Variants in NXN observed in about 807,000 individuals in gnomAD.
The protein encoded by NXN is nucleoredoxin 1.
NXN carries 16 observed loss-of-function variants against 48.6 expected under a neutral mutation model. That is an observed-to-expected ratio of 0.33 (90% confidence interval 0.22 to 0.50). The LOEUF is 0.50. Among genes scored for constraint, NXN ranks in the 20% least tolerant of loss-of-function variants. The pLI, the probability that NXN is intolerant of heterozygous loss-of-function variation, is 0.98. For missense variants in NXN, 492 were observed against 605.5 expected (o/e 0.81, Z 1.97); for synonymous variants, 281 against 269.6 (o/e 1.04, Z -0.41).
At chr17:922,904 G>C (rs569663658) in intron 1 of NXN, among the ~76,000 whole-genome samples, 1 of 151,814 alleles carries the variant, frequency 6.6e-6, no homozygotes, top group Admixed American at 6.6e-5. Flanking sequence ...ACCTGCCTTC[G>C]GCCTCCCAAA....
intron 1 of NXN, among the ~76,000 whole-genome samples, chr17:865,998 AAAGT>A (rs2144793473): frequency 6.6e-6 from 1 of 152,132 alleles, no homozygotes; most frequent in African/African-American, 2.4e-5. Context: ...AAAAGAAAAA[AAAGT>A]GTGTGCGACA....
intron 1 of NXN, among the ~76,000 whole-genome samples, chr17:839,665 G>A (rs1914025198): frequency 6.6e-6 from 1 of 151,180 alleles, no homozygotes; most frequent in Non-Finnish European, 1.5e-5. Flanking sequence ...AGCCTGGCAT[G>A]GTGGCACACA....
rs960751534 is a variant in NXN, at chr17:799,687, TACAAGGCGAC to T, written c.*1252_*1261del. ...GAGGCCAACAACCTACCTGGGCCGA[TACAAGGCGAC>T]ACAAGGCCCACCCGTGGCTGACGCG... On this transcript the variant is annotated 3_prime_UTR_variant, in exon 8 of 8. Transcript: ENST00000336868. 2 of 152,282 alleles carry T rather than the reference TACAAGGCGAC, an allele frequency of 1.3e-5. No individual in the cohort carries two copies. The highest frequency in any genetic ancestry group is 4.8e-5 in the African/African-American group (2 of 41,454). 9.4% of individuals were successfully genotyped at this position (152,282 alleles called of 1,614,324 possible). A position where few individuals can be genotyped will look rare whatever the true frequency, so the allele number is the denominator to read the frequency against.
intron 1 of NXN, among the ~76,000 whole-genome samples, chr17:954,291 G>A (rs2069143365): frequency 6.6e-6 from 1 of 152,188 alleles, no homozygotes; most frequent in Non-Finnish European, 1.5e-5. Flanking sequence ...TGAAGCAGGA[G>A]AATCCCTTGA....
At position 843,049 on chromosome 17, in the gene NXN, A is replaced by C. The variant is rs542620167; in HGVS notation, c.361-16971T>G. Among the ~76,000 whole-genome samples the C allele has an allele frequency of 4.9e-3, 643 of 129,960 alleles. 9 individuals carry two copies. Among genetic ancestry groups the C allele is most frequent in the African/African-American group, 0.02 (603 of 29,808 alleles). 85.3% of individuals were successfully genotyped at this position (129,960 alleles called of 152,430 possible). On this transcript the variant is annotated intron_variant, in intron 1 of 7. Transcript: ENST00000336868. ...GAAAGAAAGAAAGAAAGAAAGAAAG[A>C]AAGAAAGAAGGAAGAAAGCAAGCAA...
At chr17:822,295 GA>G (rs973942697) in intron 4 of NXN, 61 bp downstream of exon 4, 98 of 1,240,044 alleles carry the variant, frequency 7.9e-5, no homozygotes, top group Non-Finnish European at 9.9e-5. Context: ...AAAAAGAAAA[GA>G]AAAAAAATGG....
intron 1 of NXN, among the ~76,000 whole-genome samples, chr17:869,764 T>C (rs992299130): frequency 9.9e-5 from 15 of 152,234 alleles, no homozygotes; most frequent in African/African-American, 3.6e-4. Flanking sequence ...TTTCACTTCC[T>C]CTGCTCGTTC....
intron 1 of NXN, chr17:911,080 T>C (rs7209796): frequency 0.47 from 71,411 of 151,818 alleles, 17,011 homozygotes; most frequent in South Asian, 0.56. Flanking sequence ...CCACAGTGCA[T>C]ATGTATCCAA....
chr17:848,802 T>TGC (rs2067893008), intron 1 of NXN, among the ~76,000 whole-genome samples: 1 of 152,206 alleles, frequency 6.6e-6, no homozygotes, highest in Admixed American at 6.5e-5. Flanking sequence ...GGATGTCAGA[T>TGC]GCATCAGACA....
chr17:913,108 C>T (rs966894491), intron 1 of NXN, among the ~76,000 whole-genome samples: 2 of 152,200 alleles, frequency 1.3e-5, no homozygotes, highest in East Asian at 3.8e-4. Context: ...TTTTATATTA[C>T]AGTCATCTCT....
intron 1 of NXN, among the ~76,000 whole-genome samples, chr17:936,043 G>C (rs1482973763): frequency 6.9e-6 from 1 of 145,002 alleles, no homozygotes. Context: ...GGCGAGCCAA[G>C]ATCGTGCCAC....
chr17:972,410 G>A (rs1463105967), intron 1 of NXN, among the ~76,000 whole-genome samples: 7 of 152,116 alleles, frequency 4.6e-5, no homozygotes, highest in African/African-American at 1.2e-4. Flanking sequence ...CCAGGAGGCG[G>A]AGGTTGCAGT....
intron 1 of NXN, among the ~76,000 whole-genome samples, chr17:852,271 C>G (rs770713701): frequency 6.6e-6 from 1 of 152,092 alleles, no homozygotes; most frequent in African/African-American, 2.4e-5. Context: ...CCTGCCTCAG[C>G]CACAGCCTCA....
chr17:802,857 C>T (rs1422788844), intron 7 of NXN, among the ~76,000 whole-genome samples: 4 of 151,220 alleles, frequency 2.6e-5, no homozygotes, highest in African/African-American at 9.7e-5. Flanking sequence ...AGCGTGAAAT[C>T]AGCACAGGGC....
rs2068867762 is a variant in NXN at position 932,753 on chromosome 17, GGA to G, written c.360+46564_360+46565del. Among the ~76,000 whole-genome samples, 1 of 152,190 alleles carries G rather than the reference GGA, an allele frequency of 6.6e-6. No homozygotes were observed. The highest frequency in any genetic ancestry group is 6.5e-5 in the Admixed American group (1 of 15,270). On this transcript the variant is annotated intron_variant, in intron 1 of 7. Transcript: ENST00000336868. The surrounding 1 kb of genome is among the most constrained non-coding windows in gnomAD (Gnocchi z 4.1). Reference sequence around the variant, plus strand: ...CCCGGACAAGCAGCTGAGTGGGTGGGGAGTGCCTTGTTGTGGCCGGCTTCGCA... The same window carrying G: ...CCCGGACAAGCAGCTGAGTGGGTGGGGTGCCTTGTTGTGGCCGGCTTCGCA...
chr17:917,853 C>T lies in NXN; in HGVS notation c.360+61466G>A, dbSNP rs947834528. Among the ~76,000 whole-genome samples, 2 of 152,142 alleles carry T rather than the reference C, an allele frequency of 1.3e-5. No individual in the cohort carries two copies. The highest frequency in any genetic ancestry group is 2.9e-5 in the Non-Finnish European group (2 of 68,032). On this transcript the variant is annotated intron_variant, in intron 1 of 7. Transcript: ENST00000336868. This position sits in a 1 kb window ranked among gnomAD's most constrained non-coding sequence, Gnocchi z 4.5. ...TAAGCGACAGGAGAGGGGGGACTCCCGTTCCAAACAAAGGGGACTGCGTAC... is the reference window on the plus strand; with the variant it reads ...TAAGCGACAGGAGAGGGGGGACTCCTGTTCCAAACAAAGGGGACTGCGTAC...
rs138540661 is a variant in NXN at position 833,127 on chromosome 17, G to A, written c.361-7049C>T. Among the ~76,000 whole-genome samples, 148 of 152,112 alleles carry A rather than the reference G, an allele frequency of 9.7e-4. 1 individual carries two copies. Among genetic ancestry groups the A allele is most frequent in the Non-Finnish European group, 6.3e-4 (43 of 67,996 alleles). ...AGGATGGTCTCGACCTCCTGACCTC[G>A]TGATCCGCCCACCTCAGCCTCCCAA... On this transcript the variant is annotated intron_variant, in intron 1 of 7. Transcript: ENST00000336868.
chr17:927,445 C>T (rs1460160176), intron 1 of NXN, among the ~76,000 whole-genome samples: 1 of 151,546 alleles, frequency 6.6e-6, no homozygotes, highest in African/African-American at 2.4e-5. Context: ...CCCGTCTCCA[C>T]AGAAAATAAA....
rs1334684450 is a variant in NXN at position 819,474 on chromosome 17, C to T, written c.785G>A (p.Arg262Gln). 5 of 1,614,008 alleles carry T rather than the reference C, an allele frequency of 3.1e-6. No individual in the cohort carries two copies. Among genetic ancestry groups the T allele is most frequent in the African/African-American group, 1.3e-5 (1 of 74,948 alleles). Reference protein sequence around the residue: ...WLAVPYTDEARRSRLNRLYGI... With the variant: ...WLAVPYTDEAQRSRLNRLYGI... ...GTACAGCCGGTTGAGGCGCGACCGCCGGGCCTCATCCGTGTAGGGGACGGC... is the reference window on the plus strand; with the variant it reads ...GTACAGCCGGTTGAGGCGCGACCGCTGGGCCTCATCCGTGTAGGGGACGGC... The change falls in exon 5 of 8, where the codon CGG (arginine) becomes CAG (glutamine). Residue 262 changes from arginine to glutamine, a missense_variant. Arg to Gln is a conservative substitution (Grantham distance 43). Around this residue, in one of 3 missense-constraint regions of NXN, gnomAD observed 303 missense variants for 388.3 expected, o/e 0.78. Transcript: ENST00000336868.
Sources: gnomAD v4.1 joint callset for allele counts (sites outside exome capture counted in the v4.1 genomes callset) on GRCh38, gnomAD v4.1.1 for gene constraint, gnomAD v4.1.1 regional missense constraint, Gnocchi (gnomAD v3.1) non-coding constraint, MANE v1.5 for transcripts, NCBI Gene and HGNC (gene_info 2026-07-23, HGNC 2026-07-21) for gene names.